Variants in RAB3C observed in about 807,000 individuals in gnomAD.
RAB3C encodes RAB3C, member RAS oncogene family, also known as ras-related protein Rab-3C.
RAB3C carries 17 observed loss-of-function variants against 26.4 expected under a neutral mutation model. That is an observed-to-expected ratio of 0.64 (90% CI 0.44 to 0.97). The LOEUF (loss-of-function observed/expected upper bound fraction) is 0.97. Ranked by LOEUF, RAB3C falls within the 50% of genes least tolerant of loss-of-function variation. The pLI is 0.00. For synonymous variants in RAB3C, 91 were observed against 95.9 expected, an observed-to-expected ratio of 0.95 and a Z score of 0.30; for missense variants, 242 against 281.9, an observed-to-expected ratio of 0.86 and a Z score of 1.01.
At chr5:58,715,004 A>G (rs1749138519) in intron 2 of RAB3C, among the ~76,000 whole-genome samples, 1 of 152,080 alleles carries the variant, frequency 6.6e-6, no homozygotes, top group South Asian at 2.1e-4. Context: ...ATTTTAATTC[A>G]GAGCTGAAAA....
intron 4 of RAB3C, among the ~76,000 whole-genome samples, chr5:58,826,700 TTTC>T (rs1211963804): frequency 1.3e-5 from 2 of 152,212 alleles, no homozygotes; most frequent in African/African-American, 4.8e-5. Flanking sequence ...CTTACTTTTC[TTTC>T]TTCTTTTTTC....
chr5:58,634,311 T>C (rs927126042), intron 2 of RAB3C, among the ~76,000 whole-genome samples: 1 of 152,178 alleles, frequency 6.6e-6, no homozygotes, highest in Non-Finnish European at 1.5e-5. Context: ...ATAAGATCAC[T>C]TGGGAGAACT....
At chr5:58,644,225 A>T (rs1031024250) in intron 2 of RAB3C, 9 of 152,192 alleles carry the variant, frequency 5.9e-5, no homozygotes, top group Non-Finnish European at 1.0e-4. Flanking sequence ...TGAGAAATTG[A>T]GTCAGATAGT....
At chr5:58,837,797 G>A (rs975357120) in intron 4 of RAB3C, among the ~76,000 whole-genome samples, 60 of 151,832 alleles carry the variant, frequency 4.0e-4, no homozygotes, top group African/African-American at 1.2e-3. Flanking sequence ...GAACTCAAGT[G>A]ATCCACCCAC....
At chr5:58,737,383 T>A (rs1741163331) in intron 3 of RAB3C, among the ~76,000 whole-genome samples, 1 of 129,794 alleles carries the variant, frequency 7.7e-6, no homozygotes, top group Non-Finnish European at 1.6e-5. Flanking sequence ...ACAGCATTTA[T>A]CACCCTATGA....
At chr5:58,682,104 C>G (rs543519638) in intron 2 of RAB3C, among the ~76,000 whole-genome samples, 1 of 152,112 alleles carries the variant, frequency 6.6e-6, no homozygotes, top group Non-Finnish European at 1.5e-5. Context: ...AGGTGAGGCA[C>G]GTGAAGTTTC....
intron 4 of RAB3C, among the ~76,000 whole-genome samples, chr5:58,827,977 AG>A (rs1743527515): frequency 6.6e-6 from 1 of 152,246 alleles, no homozygotes; most frequent in African/African-American, 2.4e-5. Flanking sequence ...ACATCTTGGC[AG>A]ATGGCTCGAA....
At chr5:58,807,667 T>TG (rs1260079537) in intron 3 of RAB3C, among the ~76,000 whole-genome samples, 9 of 151,788 alleles carry the variant, frequency 5.9e-5, no homozygotes, top group Non-Finnish European at 8.8e-5. Context: ...ACTACAATGG[T>TG]GGGGGGGCAA....
chr5:58,734,576 C>G (rs1019455698), intron 3 of RAB3C, among the ~76,000 whole-genome samples: 4 of 152,136 alleles, frequency 2.6e-5, no homozygotes, highest in Non-Finnish European at 4.4e-5. Context: ...AACTTAAACT[C>G]AAATTTATAT....
chr5:58,800,335 A>C (rs1380592692), intron 3 of RAB3C, among the ~76,000 whole-genome samples: 1 of 152,144 alleles, frequency 6.6e-6, no homozygotes. Context: ...TTTTTTTGGA[A>C]AGTGATTTAG....
chr5:58,624,979 AC>A, intron 2 of RAB3C, among the ~76,000 whole-genome samples: 1 of 152,326 alleles, frequency 6.6e-6, no homozygotes, highest in East Asian at 1.9e-4. Flanking sequence ...TCTAATCCTC[AC>A]AAAAACCCTG....
At chr5:58,629,647 A>G (rs1747146396) in intron 2 of RAB3C, among the ~76,000 whole-genome samples, 1 of 152,142 alleles carries the variant, frequency 6.6e-6, no homozygotes, top group Non-Finnish European at 1.5e-5. Context: ...TAATGGAAAA[A>G]AGGGGAGCGT....
At chr5:58,797,568 A>G (rs1454393376) in intron 3 of RAB3C, among the ~76,000 whole-genome samples, 1 of 151,630 alleles carries the variant, frequency 6.6e-6, no homozygotes, top group African/African-American at 2.4e-5. Flanking sequence ...TTCCCTCCAT[A>G]GAGATAGAGA....
intron 1 of RAB3C, among the ~76,000 whole-genome samples, chr5:58,600,046 C>T (rs576591354): frequency 6.6e-6 from 1 of 152,086 alleles, no homozygotes; most frequent in Non-Finnish European, 1.5e-5. Context: ...GATGAGGATC[C>T]AGTTTCATTC....
chr5:58,624,765 C>T (rs935223822), intron 2 of RAB3C, among the ~76,000 whole-genome samples: 1 of 151,966 alleles, frequency 6.6e-6, no homozygotes, highest in Admixed American at 6.6e-5. Flanking sequence ...GAAGAGGCAT[C>T]GGGGCAGGAG....
chr5:58,585,589 T>G (rs1473820506), intron 1 of RAB3C, among the ~76,000 whole-genome samples: 1 of 152,088 alleles, frequency 6.6e-6, no homozygotes, highest in Non-Finnish European at 1.5e-5. Flanking sequence ...CTTTTTAATG[T>G]ATTTGCTTAT....
At chr5:58,630,376 C>T (rs1747163079) in intron 2 of RAB3C, among the ~76,000 whole-genome samples, 1 of 151,956 alleles carries the variant, frequency 6.6e-6, no homozygotes. Flanking sequence ...GTTATATCTA[C>T]TGATATTTAA....
intron 1 of RAB3C, among the ~76,000 whole-genome samples, chr5:58,585,379 A>T (rs1238858558): frequency 1.3e-5 from 2 of 152,030 alleles, no homozygotes; most frequent in African/African-American, 4.8e-5. Context: ...CAATGCAACA[A>T]GATAAATAAT....
intron 2 of RAB3C, among the ~76,000 whole-genome samples, chr5:58,723,914 A>G (rs1740827640): frequency 6.6e-6 from 1 of 151,772 alleles, no homozygotes; most frequent in Admixed American, 6.6e-5. Flanking sequence ...CTCCAGGGAA[A>G]GTGGCGAAGA....
Sources: allele counts gnomAD v4.1 joint callset (sites outside exome capture counted in the v4.1 genomes callset), GRCh38; gene constraint gnomAD v4.1.1; transcripts MANE v1.5; gene names NCBI Gene and HGNC (gene_info 2026-07-23, HGNC 2026-07-21).